The following MARCHF1 variants were observed in gnomAD, a reference collection of about 807,000 sequenced individuals.
MARCHF1 encodes the protein E3 ubiquitin-protein ligase MARCHF1.
A neutral mutation model predicts 54.2 loss-of-function variants in MARCHF1; 40 were observed. The ratio of observed to expected loss-of-function variants is 0.74; its 90% confidence interval spans 0.57 to 0.96. The LOEUF is 0.96. Among genes scored for constraint, MARCHF1 ranks in the 40% least tolerant of loss-of-function variants. The pLI is 0.00. For synonymous variants in MARCHF1, 236 were observed against 236.3 expected, an observed-to-expected ratio of 1.00 and a Z score of 0.01; for missense variants, 586 against 656.5, an observed-to-expected ratio of 0.89 and a Z score of 1.17.
intron 1 of MARCHF1, chr4:164,189,186 C>A: frequency 1.8e-6 from 1 of 558,906 alleles, no homozygotes; most frequent in Non-Finnish European, 3.3e-6. Flanking sequence ...TCAAGTTGTA[C>A]AAAAAGAAGA....
At chr4:164,255,730 T>C (rs1560976066) in intron 1 of MARCHF1, among the ~76,000 whole-genome samples, 1 of 152,128 alleles carries the variant, frequency 6.6e-6, no homozygotes, top group African/African-American at 2.4e-5. Flanking sequence ...AGTTTTTATG[T>C]ACCTTGTAGA....
chr4:164,134,557 A>G (rs1246658619), intron 1 of MARCHF1, among the ~76,000 whole-genome samples: 1 of 152,118 alleles, frequency 6.6e-6, no homozygotes, highest in East Asian at 1.9e-4. Context: ...AACCAAGGGC[A>G]TTTCCTGACT....
Position 163,545,739 on chromosome 4 carries a change from T to C in MARCHF1, c.1196A>G (p.Glu399Gly). The change falls in exon 9 of 10, where the codon GAG becomes GGG. Residue 399 changes from glutamate to glycine, a missense_variant. Transcript: ENST00000514618. ...TTCACTTGTGGTCATCTGTAGTTTC[T>C]CCCACTGCAATCAGAAATGAAGGAC... ...ETKLKPLRKW[E>G]KLQMTTSERR... 1.2e-6 allele frequency: 2 copies of C among 1,612,436 alleles called. No individual in the cohort carries two copies. Among genetic ancestry groups the C allele is most frequent in the South Asian group, 2.2e-5 (2 of 90,736 alleles).
At chr4:164,341,601 G>A (rs1729932224) in intron 1 of MARCHF1, among the ~76,000 whole-genome samples, 1 of 152,190 alleles carries the variant, frequency 6.6e-6, no homozygotes, top group Non-Finnish European at 1.5e-5. Context: ...ACTCATGAGA[G>A]TCAGCTTCCC....
At chr4:163,873,651 C>T (rs1750227529) in intron 3 of MARCHF1, among the ~76,000 whole-genome samples, 1 of 152,082 alleles carries the variant, frequency 6.6e-6, no homozygotes, top group Non-Finnish European at 1.5e-5. Flanking sequence ...GATTAATGCC[C>T]AGTGTGGAAA....
chr4:163,896,561 T>C (rs1248518400), intron 3 of MARCHF1, among the ~76,000 whole-genome samples: 1 of 152,188 alleles, frequency 6.6e-6, no homozygotes, highest in East Asian at 1.9e-4. Context: ...ACGACACTTC[T>C]TCTTTTCGAA....
chr4:163,776,577 C>T (rs549224837), intron 4 of MARCHF1, among the ~76,000 whole-genome samples: 1 of 152,048 alleles, frequency 6.6e-6, no homozygotes, highest in East Asian at 1.9e-4. Context: ...CTTGGTTGGT[C>T]TCATGTTTTG....
chr4:163,581,971 T>C lies in MARCHF1; in HGVS notation c.1191+3778A>G, dbSNP rs138476527. Among the ~76,000 whole-genome samples the C allele has an allele frequency of 2.0e-3, 305 of 152,358 alleles. 3 individuals are homozygous for C. Among genetic ancestry groups the C allele is most frequent in the African/African-American group, 6.9e-3 (285 of 41,574 alleles). On this transcript the variant is annotated intron_variant, in intron 8 of 9. Coordinates refer to ENST00000514618, the MANE Select transcript of MARCHF1 (RefSeq NM_001394959.1). ...TATTGTACATTTGTCAAATAGTTTCTATATAGAGTATTACAGAAAAAATAT... is the reference window on the plus strand; with the variant it reads ...TATTGTACATTTGTCAAATAGTTTCCATATAGAGTATTACAGAAAAAATAT...
At chr4:164,074,272 G>C (rs1276588620) in intron 2 of MARCHF1, among the ~76,000 whole-genome samples, 1 of 152,080 alleles carries the variant, frequency 6.6e-6, no homozygotes, top group Non-Finnish European at 1.5e-5. Flanking sequence ...GACTGTCTTT[G>C]AGTCTCTGCA....
intron 2 of MARCHF1, among the ~76,000 whole-genome samples, chr4:164,001,301 T>C (rs112134263): frequency 0.016 from 2,452 of 151,888 alleles, 55 homozygotes; most frequent in African/African-American, 0.052. Flanking sequence ...GTAAAGCACA[T>C]AGATACATCA....
At chr4:163,613,190 C>A (rs1379295313) in intron 6 of MARCHF1, 124 bp downstream of exon 6, 6 of 1,254,120 alleles carry the variant, frequency 4.8e-6, no homozygotes, top group South Asian at 1.7e-5. Context: ...AAAAAAATAG[C>A]CAGTATAAAT....
intron 7 of MARCHF1, among the ~76,000 whole-genome samples, chr4:163,600,126 C>T (rs73870615): frequency 0.076 from 11,577 of 151,998 alleles, 703 homozygotes; most frequent in East Asian, 0.17. Flanking sequence ...TATATTTTTG[C>T]TGTATTTATA....
intron 1 of MARCHF1, among the ~76,000 whole-genome samples, chr4:164,172,279 A>G (rs1221206869): frequency 2.0e-5 from 3 of 152,234 alleles, no homozygotes; most frequent in Admixed American, 1.3e-4. Flanking sequence ...TGAGATTATA[A>G]TCACTTTATA....
chr4:164,122,753 G>T (rs1468600553), intron 1 of MARCHF1, among the ~76,000 whole-genome samples: 2 of 151,720 alleles, frequency 1.3e-5, no homozygotes, highest in Non-Finnish European at 2.9e-5. Context: ...AATTTTCCTG[G>T]CTCAAGATGA....
chr4:163,851,894 C>T (rs1390298985), intron 4 of MARCHF1, among the ~76,000 whole-genome samples: 3 of 152,148 alleles, frequency 2.0e-5, no homozygotes, highest in African/African-American at 4.8e-5. Flanking sequence ...CATGATTTGG[C>T]AGTGAACCTC....
intron 2 of MARCHF1, among the ~76,000 whole-genome samples, chr4:164,098,258 G>C (rs568166806): frequency 6.6e-6 from 1 of 152,162 alleles, no homozygotes; most frequent in East Asian, 1.9e-4. Flanking sequence ...AGTAATTGTT[G>C]GCTGGTATTT....
chr4:163,530,853 C>T (rs114069085), intron 9 of MARCHF1, among the ~76,000 whole-genome samples: 1,682 of 151,940 alleles, frequency 0.011, 11 homozygotes, highest in Middle Eastern at 0.02. Flanking sequence ...TGAATATTTA[C>T]TTAATCCTAA....
chr4:164,143,525 C>G (rs868233176), intron 1 of MARCHF1, among the ~76,000 whole-genome samples: 8 of 150,830 alleles, frequency 5.3e-5, no homozygotes, highest in South Asian at 4.2e-4. Context: ...ATTCAACATT[C>G]TTAAAGAAAA....
At chr4:164,285,894 C>T (rs1300467382) in intron 1 of MARCHF1, among the ~76,000 whole-genome samples, 3 of 149,766 alleles carry the variant, frequency 2.0e-5, no homozygotes, top group African/African-American at 7.4e-5. Flanking sequence ...ATAACTAATG[C>T]CATATATATT....
Sources: allele counts gnomAD v4.1 joint callset (sites outside exome capture counted in the v4.1 genomes callset), GRCh38; gene constraint gnomAD v4.1.1; transcripts MANE v1.5; gene names NCBI Gene and HGNC (gene_info 2026-07-23, HGNC 2026-07-21).